CDK13: variants seen among roughly 807,000 people sequenced by gnomAD.
The protein encoded by CDK13 is cyclin dependent kinase 13.
CDK13 carries 40 observed loss-of-function variants against 137.6 expected under a neutral mutation model. The ratio of observed to expected loss-of-function variants is 0.29; its 90% CI spans 0.23 to 0.38. The LOEUF (loss-of-function observed/expected upper bound fraction) is 0.38, where lower values mean the gene tolerates loss of function less well. Ranked by LOEUF, CDK13 falls within the 10% of genes least tolerant of loss-of-function variation. CDK13 has a pLI of 1.00. For missense variants in CDK13, 1,704 were observed against 1,951.8 expected, an observed-to-expected ratio of 0.87 and a Z score of 2.39; for synonymous variants, 869 against 760.1, an observed-to-expected ratio of 1.14 and a Z score of -2.36.
chr7:39,976,323 T>TCTCACACACACACACACACACACA, intron 1 of CDK13, among the ~76,000 whole-genome samples: 29 of 39,578 alleles, frequency 7.3e-4, no homozygotes, highest in South Asian at 2.3e-3. Context: ...TCTCTCTCTC[T>TCTCACACACACACACACACACACA]CACACACACA....
intron 7 of CDK13, among the ~76,000 whole-genome samples, chr7:40,056,024 C>T (rs948629386): frequency 5.9e-5 from 9 of 152,252 alleles, no homozygotes; most frequent in African/African-American, 1.7e-4. Flanking sequence ...AAACGGTTAA[C>T]GGGATTTAAT....
chr7:39,951,312 G>T lies in CDK13; in HGVS notation c.671G>T (p.Gly224Val), dbSNP rs1787178547. 7.2e-7 allele frequency: 1 copy of T among 1,398,598 alleles called. No homozygotes were observed. Among genetic ancestry groups the T allele is most frequent in the African/African-American group, 1.5e-5 (1 of 65,776 alleles). 86.6% of individuals were successfully genotyped at this position (1,398,598 alleles called of 1,614,324 possible). A position where few individuals can be genotyped will look rare whatever the true frequency, so the allele number is the denominator to read the frequency against. ...REHRRRDGQR[G>V]GSEASKSRSR... The stretch of plus-strand genomic sequence containing the variant: ...CACCGGCGGCGGGATGGGCAGCGCG[G>T]TGGCAGCGAGGCCTCCAAGTCCCGC... The change falls in exon 1 of 14, where the codon GGT becomes GTT. Residue 224 changes from glycine to valine, a missense_variant. This residue lies in a region of CDK13 where 1,051 missense variants were observed against 931.0 expected (regional missense o/e 1.13). Transcript: ENST00000181839.
rs139167957 is a variant in CDK13, at chr7:40,093,014, G to A, written c.3465G>A (p.Pro1155=). The A allele has an allele frequency of 2.3e-5, 37 of 1,614,066 alleles. No individual in the cohort carries two copies. In the African/African-American group the frequency reaches 2.4e-4, roughly 10 times the overall value. Residue 1155 remains proline (P), a synonymous_variant, in exon 13 of 14, where the codon CCG becomes CCA. Transcript: ENST00000181839. ...CACCACAACAGGAGTCTTCGAAACC[G>A]TTGGGAGGAATTCAGCCTTCTTCTC... The part of the protein sequence containing the change: ...PSTPQQESSK[P]LGGIQPSSQT...
chr7:40,064,774 T>C (rs1277513579), intron 9 of CDK13, among the ~76,000 whole-genome samples: 44 of 149,076 alleles, frequency 3.0e-4, no homozygotes, highest in Admixed American at 6.8e-5. Context: ...TAGAAAACTT[T>C]TATGTTACTT....
chr7:40,064,829 T>C (rs1250960868), intron 9 of CDK13, among the ~76,000 whole-genome samples: 2 of 151,282 alleles, frequency 1.3e-5, no homozygotes, highest in Admixed American at 1.3e-4. Context: ...TCTCACTTTG[T>C]TGCCTAGGCT....
At chr7:40,071,088 G>A (rs1161367104) in intron 9 of CDK13, 1 of 152,080 alleles carries the variant, frequency 6.6e-6, no homozygotes, top group African/African-American at 2.4e-5. Flanking sequence ...TGTACCAGAA[G>A]ATAGGAAAAG....
In CDK13 at chr7:39,987,697, G is replaced by A; in HGVS notation, c.1310G>A (p.Ser437Asn). Residue 437 changes from serine to asparagine, a missense_variant, in exon 2 of 14, where the codon AGT becomes AAT. Ser to Asn is a conservative substitution (Grantham distance 46). This residue lies in a region of CDK13 where 1,051 missense variants were observed against 931.0 expected (regional missense o/e 1.13). Coordinates refer to ENST00000181839, the MANE Select transcript of CDK13 (RefSeq NM_003718.5). ...TCTAGATCCAGAAGTCGTCATTCTA[G>A]TATTTCTCCTAGCACACTAACTCTG... is the stretch of plus-strand genomic sequence containing the variant. ...RLSRSRSRHS[S>N]ISPSTLTLKS... 1.2e-6 allele frequency: 2 copies of A among 1,614,044 alleles called. No individual in the cohort carries two copies. Among genetic ancestry groups the A allele is most frequent in the Non-Finnish European group, 1.7e-6 (2 of 1,180,014 alleles).
intron 5 of CDK13, among the ~76,000 whole-genome samples, chr7:40,040,644 A>T (rs1377701085): frequency 6.6e-6 from 1 of 152,164 alleles, no homozygotes; most frequent in Non-Finnish European, 1.5e-5. Context: ...GCTCATGTGT[A>T]CTTTTCTGTC....
At chr7:40,080,029 C>T (rs962162989) in intron 11 of CDK13, among the ~76,000 whole-genome samples, 1 of 152,062 alleles carries the variant, frequency 6.6e-6, no homozygotes, top group African/African-American at 2.4e-5. Flanking sequence ...ACTCTGTCTC[C>T]CAGGCTGGGG....
At position 40,099,085 on chromosome 7, in the gene CDK13, AAAAT is replaced by A. The variant is rs1787096483; in HGVS notation, c.*4107_*4110del. ...GAACTTTAAAAAAAAAAACAACAAA[AAAAT>A]ACTTTCAGGGTTTTGTAATTTCAAG... On this transcript the variant is annotated 3_prime_UTR_variant, in exon 14 of 14. Coordinates refer to ENST00000181839, the MANE Select transcript of CDK13 (RefSeq NM_003718.5). The A allele has an allele frequency of 6.6e-6, 1 of 151,940 alleles. No homozygotes were observed. Among genetic ancestry groups the A allele is most frequent in the Non-Finnish European group, 1.5e-5 (1 of 67,962 alleles). The allele number at this position is 151,940 out of a possible 1,614,324, so 9.4% of individuals were successfully genotyped here.
chr7:39,952,367 G>A (rs991921720), intron 1 of CDK13: 1 of 152,376 alleles, frequency 6.6e-6, no homozygotes, highest in South Asian at 2.1e-4. Flanking sequence ...AATGGGAGAA[G>A]CAGCCTTTCT....
chr7:40,005,836 C>G (rs545216857), intron 5 of CDK13, among the ~76,000 whole-genome samples: 15 of 152,286 alleles, frequency 9.8e-5, no homozygotes, highest in Non-Finnish European at 2.9e-5. Flanking sequence ...GTCCTCCTGC[C>G]TCAGCCTCCC....
chr7:39,999,370 G>A lies in CDK13; in HGVS notation c.2052G>A (p.Gly684=). 1 of 1,608,718 alleles carries A rather than the reference G, an allele frequency of 6.2e-7. No individual in the cohort carries two copies. Among genetic ancestry groups the A allele is most frequent in the Non-Finnish European group, 8.5e-7 (1 of 1,177,840 alleles). ...LHSKRRPKIC[G]PRYGETKEKD... is the part of the protein sequence containing the mutation. ...GAACTATATTTGATAGAATATGTGGGCCTCGCTATGGTGAAACCAAAGAAA... is the reference window on the plus strand; with the variant it reads ...GAACTATATTTGATAGAATATGTGGACCTCGCTATGGTGAAACCAAAGAAA... Residue 684 remains glycine, a synonymous_variant, in exon 4 of 14, where the codon GGG becomes GGA. Coordinates refer to ENST00000181839, the MANE Select transcript of CDK13 (RefSeq NM_003718.5).
chr7:40,057,749 C>G (rs1298936109), intron 7 of CDK13, among the ~76,000 whole-genome samples: 3 of 152,178 alleles, frequency 2.0e-5, no homozygotes, highest in Admixed American at 6.5e-5. Context: ...AGTAAGACAG[C>G]TGATCTTAGA....
chr7:39,957,468 A>AT (rs1390788073), intron 1 of CDK13, among the ~76,000 whole-genome samples: 3 of 152,042 alleles, frequency 2.0e-5, no homozygotes, highest in East Asian at 1.9e-4. Context: ...ATTTAAATAC[A>AT]TTTTTTCTCT....
intron 5 of CDK13, among the ~76,000 whole-genome samples, chr7:40,041,801 G>A (rs1021260238): frequency 6.6e-6 from 1 of 152,180 alleles, no homozygotes; most frequent in African/African-American, 2.4e-5. Flanking sequence ...ACATGGAGTG[G>A]CATAAGATAT....
chr7:40,074,323 C>A (rs1228911010), intron 9 of CDK13, among the ~76,000 whole-genome samples: 2 of 152,024 alleles, frequency 1.3e-5, no homozygotes, highest in Non-Finnish European at 2.9e-5. Flanking sequence ...GAGATCGAGA[C>A]CATCCTGGCT....
At chr7:40,066,629 T>G (rs1713229453) in intron 9 of CDK13, 1 of 152,244 alleles carries the variant, frequency 6.6e-6, no homozygotes, top group South Asian at 2.1e-4. Flanking sequence ...TTGTGTAAGT[T>G]AGAAAAGTTA....
At chr7:40,011,563 C>G (rs1042304771) in intron 5 of CDK13, among the ~76,000 whole-genome samples, 9 of 152,280 alleles carry the variant, frequency 5.9e-5, no homozygotes, top group African/African-American at 2.2e-4. Flanking sequence ...GCAACTGGTG[C>G]TGGGATAACT....
Sources: allele counts gnomAD v4.1 joint callset (sites outside exome capture counted in the v4.1 genomes callset), GRCh38; gene constraint gnomAD v4.1.1; regional missense constraint gnomAD v4.1.1; transcripts MANE v1.5; gene names NCBI Gene and HGNC (gene_info 2026-07-23, HGNC 2026-07-21).